PLXNA4: variants seen among roughly 807,000 people sequenced by gnomAD.
PLXNA4 encodes plexin A4.
A neutral mutation model predicts 191.8 loss-of-function variants in PLXNA4; 44 were observed. That is an observed-to-expected ratio of 0.23 (90% CI 0.18 to 0.29). The LOEUF is 0.29. PLXNA4 is among the 10% of genes least tolerant of loss of function. The probability of loss-of-function intolerance (pLI) is 1.00; values close to 1 mark genes in which losing one functional copy is unlikely to be tolerated. For missense variants in PLXNA4, 1,800 were observed against 2,488.8 expected, an observed-to-expected ratio of 0.72 and a Z score of 5.89; for synonymous variants, 1,082 against 1,009.5, an observed-to-expected ratio of 1.07 and a Z score of -1.36.
intron 28 of PLXNA4, among the ~76,000 whole-genome samples, chr7:132,145,915 C>A (rs180907493): frequency 6.4e-3 from 586 of 92,002 alleles, no homozygotes; most frequent in South Asian, 0.011. Context: ...ACTAAAAATA[C>A]AAAAAAAAAA....
At chr7:132,509,768 C>T (rs1041107491) in intron 1 of PLXNA4, among the ~76,000 whole-genome samples, 1 of 152,158 alleles carries the variant, frequency 6.6e-6, no homozygotes, top group Non-Finnish European at 1.5e-5. Flanking sequence ...CCTACTACTG[C>T]AGGAGAAACT....
chr7:132,574,241 T>C (rs1004546051), intron 1 of PLXNA4, among the ~76,000 whole-genome samples: 1 of 151,678 alleles, frequency 6.6e-6, no homozygotes, highest in African/African-American at 2.4e-5. Context: ...GAGAAAGGAG[T>C]GGAGGTCTAC....
chr7:132,258,351 C>T (rs1799505215), intron 4 of PLXNA4, among the ~76,000 whole-genome samples: 1 of 143,078 alleles, frequency 7.0e-6, no homozygotes, highest in African/African-American at 2.6e-5. Context: ...TTTCCCTTTT[C>T]TTCTTCCTGC....
chr7:132,329,862 T>G (rs10266301), intron 3 of PLXNA4, among the ~76,000 whole-genome samples: 29 of 152,324 alleles, frequency 1.9e-4, no homozygotes, highest in African/African-American at 6.7e-4. Flanking sequence ...CTGAGTCCCA[T>G]GATGAAGATC....
chr7:132,597,317 C>G lies in PLXNA4; in HGVS notation c.-87+48611G>C, dbSNP rs73724088. ...AGGCCACTTCTCATTTCCCCAGTCC[C>G]CACTCAGATAGAAGTCACTACATCA... is the stretch of plus-strand genomic sequence containing the variant. On this transcript the variant is annotated intron_variant, in intron 2 of 4. Coordinates refer to the PLXNA4 transcript ENST00000378539. Among the ~76,000 whole-genome samples, 1,193 of 152,266 alleles carry G rather than the reference C, an allele frequency of 7.8e-3. 17 individuals are homozygous for G. The highest frequency in any genetic ancestry group is 0.027 in the African/African-American group (1,141 of 41,542).
chr7:132,186,563 T>C (rs550750751), intron 15 of PLXNA4, among the ~76,000 whole-genome samples: 2 of 152,276 alleles, frequency 1.3e-5, no homozygotes, highest in Non-Finnish European at 2.9e-5. Context: ...TCCACTTTGT[T>C]AGGCAGGAGG....
At chr7:132,630,436 T>C (rs1803472247) in intron 2 of PLXNA4, among the ~76,000 whole-genome samples, 3 of 152,358 alleles carry the variant, frequency 2.0e-5, no homozygotes, top group Admixed American at 2.0e-4. Flanking sequence ...CACTGCTAAG[T>C]CATTTATCAT....
In PLXNA4 at chr7:132,124,617, G is replaced by A. The variant is rs1411497522; in HGVS notation, c.*5862C>T. On this transcript the variant is annotated 3_prime_UTR_variant, in exon 32 of 32. Transcript: ENST00000321063. The stretch of plus-strand genomic sequence containing the variant: ...ACTTGCTTTTGCAATCCTGGCGGAG[G>A]GAAAGCTTGGGTCTTCCCATGACCC... 2.6e-5 allele frequency: 4 copies of A among 152,262 alleles called. No individual in the cohort carries two copies. The highest frequency in any genetic ancestry group is 3.2e-3 in the Middle Eastern group (1 of 314). The allele number at this position is 152,262 out of a possible 1,614,324, so 9.4% of individuals were successfully genotyped here. A position where few individuals can be genotyped will look rare whatever the true frequency, so the allele number is the denominator to read the frequency against.
At chr7:132,186,048 C>A (rs553734498) in intron 15 of PLXNA4, among the ~76,000 whole-genome samples, 5 of 152,202 alleles carry the variant, frequency 3.3e-5, no homozygotes, top group Non-Finnish European at 7.3e-5. Context: ...GATGCCAGGC[C>A]TGGCCAGGTC....
At chr7:132,466,641 C>T (rs1243703143) in intron 3 of PLXNA4, among the ~76,000 whole-genome samples, 4 of 152,128 alleles carry the variant, frequency 2.6e-5, no homozygotes. Flanking sequence ...GGATGAAGTT[C>T]CCCTGGTGGC....
chr7:132,640,787 AGG>A (rs375023059), intron 2 of PLXNA4, among the ~76,000 whole-genome samples: 1 of 114,814 alleles, frequency 8.7e-6, no homozygotes, highest in South Asian at 2.3e-4. Context: ...AAAAAAAAAA[AGG>A]GGGGGGCCCT....
intron 4 of PLXNA4, among the ~76,000 whole-genome samples, chr7:132,286,204 G>A (rs934651756): frequency 2.0e-5 from 3 of 152,202 alleles, no homozygotes; most frequent in South Asian, 2.1e-4. Context: ...GCCTTCCCTC[G>A]GCCCTTCTCT....
intron 1 of PLXNA4, among the ~76,000 whole-genome samples, chr7:132,529,569 G>A (rs542650161): frequency 4.7e-4 from 71 of 151,368 alleles, no homozygotes; most frequent in Non-Finnish European, 9.1e-4. Flanking sequence ...GTCTAGGGCA[G>A]ACATCAATAT....
chr7:132,428,013 G>A (rs1254076233), intron 3 of PLXNA4, among the ~76,000 whole-genome samples: 1 of 152,134 alleles, frequency 6.6e-6, no homozygotes, highest in East Asian at 1.9e-4. Flanking sequence ...CTGCAAAGCA[G>A]GTGAGACGAG....
intron 25 of PLXNA4, among the ~76,000 whole-genome samples, chr7:132,151,249 GGAA>G (rs1410302976): frequency 4.2e-5 from 6 of 143,608 alleles, no homozygotes; most frequent in African/African-American, 8.0e-5. Flanking sequence ...AGGATGAAGA[GGAA>G]GAAGAAGGAG....
intron 14 of PLXNA4, among the ~76,000 whole-genome samples, chr7:132,193,290 G>A (rs1015930203): frequency 1.3e-5 from 2 of 152,094 alleles, no homozygotes; most frequent in African/African-American, 4.8e-5. Context: ...CTGACTTTTC[G>A]CTTTCTGCCA....
intron 3 of PLXNA4, among the ~76,000 whole-genome samples, chr7:132,373,472 C>A (rs920646575): frequency 2.0e-5 from 3 of 152,136 alleles, no homozygotes; most frequent in African/African-American, 7.2e-5. Flanking sequence ...TGGAAAGGTT[C>A]GATTTTGTGT....
chr7:132,530,740 A>G (rs76668877), intron 1 of PLXNA4, among the ~76,000 whole-genome samples: 5,219 of 152,312 alleles, frequency 0.034, 236 homozygotes, highest in African/African-American at 0.1. Context: ...TCCACTCCTA[A>G]GTATATTCCA....
chr7:132,552,123 G>A (rs549456340), intron 1 of PLXNA4, among the ~76,000 whole-genome samples: 12 of 152,240 alleles, frequency 7.9e-5, no homozygotes, highest in African/African-American at 2.2e-4. Flanking sequence ...TGCTTGCTCC[G>A]CCTCCTTCCT....
Sources: allele counts gnomAD v4.1 joint callset (sites outside exome capture counted in the v4.1 genomes callset), GRCh38; gene constraint gnomAD v4.1.1; transcripts MANE v1.5; gene names NCBI Gene and HGNC (gene_info 2026-07-23, HGNC 2026-07-21).